The following CUBN variants were observed in gnomAD, a reference collection of about 807,000 sequenced individuals.
The protein encoded by CUBN is 460 kDa receptor.
In CUBN, 282 loss-of-function variants were observed where a neutral mutation model predicts 405.3. The ratio of observed to expected loss-of-function variants is 0.70; its 90% CI spans 0.63 to 0.77. CUBN has a LOEUF of 0.77. CUBN is among the 30% of genes least tolerant of loss of function. The probability of loss-of-function intolerance (pLI) is 0.00; values close to 1 mark genes in which losing one functional copy is unlikely to be tolerated. For missense variants in CUBN, 4,514 were observed against 4,475.2 expected (o/e 1.01, Z -0.25); for synonymous variants, 1,684 against 1,617.0 (o/e 1.04, Z -0.99).
At chr10:16,832,636 A>G (rs11254239) in intron 64 of CUBN, among the ~76,000 whole-genome samples, 15,115 of 152,158 alleles carry the variant, frequency 0.099, 813 homozygotes, top group East Asian at 0.15. Context: ...GCAGCAGGAT[A>G]CTAATTTCCA....
intron 56 of CUBN, among the ~76,000 whole-genome samples, chr10:16,886,218 A>T (rs1162344321): frequency 6.6e-6 from 1 of 152,184 alleles, no homozygotes; most frequent in Non-Finnish European, 1.5e-5. Flanking sequence ...AACTGCAGAG[A>T]TGTATGAAAA....
At chr10:16,919,890 G>C (rs1242882715) in intron 44 of CUBN, 73 bp downstream of exon 44, 1 of 1,459,574 alleles carries the variant, frequency 6.9e-7, no homozygotes, top group Non-Finnish European at 9.5e-7. Context: ...GAAAGAAATG[G>C]ACTGTTTTGA....
At chr10:16,991,797 T>G (rs1314446538) in intron 28 of CUBN, among the ~76,000 whole-genome samples, 1 of 152,208 alleles carries the variant, frequency 6.6e-6, no homozygotes, top group African/African-American at 2.4e-5. Context: ...TTGGTGGGAC[T>G]GTAAACTAGT....
At chr10:16,872,218 C>A (rs939766288) in intron 58 of CUBN, among the ~76,000 whole-genome samples, 2 of 151,844 alleles carry the variant, frequency 1.3e-5, no homozygotes, top group Admixed American at 1.3e-4. Context: ...CCAGCCTGGG[C>A]GACAGAGTGA....
At chr10:17,106,620 A>G (rs572007304) in intron 10 of CUBN, among the ~76,000 whole-genome samples, 14 of 147,212 alleles carry the variant, frequency 9.5e-5, no homozygotes, top group Admixed American at 9.4e-4. Flanking sequence ...AAAAAGCCCT[A>G]TATAGGTACT....
At chr10:16,892,724 A>T (rs182593333) in intron 54 of CUBN, among the ~76,000 whole-genome samples, 12 of 151,988 alleles carry the variant, frequency 7.9e-5, no homozygotes, top group Non-Finnish European at 1.6e-4. Flanking sequence ...AAACTCCTGG[A>T]CTCAACTGAT....
intron 17 of CUBN, among the ~76,000 whole-genome samples, chr10:17,083,430 A>T (rs1836016108): frequency 6.6e-6 from 1 of 152,090 alleles, no homozygotes; most frequent in African/African-American, 2.4e-5. Flanking sequence ...GCTTGAACTC[A>T]GGAGGCAGAG....
intron 28 of CUBN, among the ~76,000 whole-genome samples, chr10:17,018,274 G>C (rs1183454911): frequency 2.6e-5 from 4 of 152,184 alleles, no homozygotes; most frequent in Admixed American, 6.5e-5. Flanking sequence ...TCACCGCTTG[G>C]TGATTGTCCC....
Position 16,931,529 on chromosome 10 carries a change from C to T in CUBN, c.6124+1558G>A, listed in dbSNP as rs192257316. 1.9e-3 allele frequency among the ~76,000 whole-genome samples: 282 copies of T among 152,316 alleles called. 1 individual carries two copies. Among genetic ancestry groups the T allele is most frequent in the Non-Finnish European group, 3.1e-3 (211 of 68,028 alleles). Reference sequence around the variant, plus strand: ...CTGAGTTTCTTTAGCTCTTTCAAGCCGCCCTGTGCCTGAGCAAGGGCACTG... The same window carrying T: ...CTGAGTTTCTTTAGCTCTTTCAAGCTGCCCTGTGCCTGAGCAAGGGCACTG... On this transcript the variant is annotated intron_variant, in intron 40 of 66. Coordinates refer to ENST00000377833, the MANE Select transcript of CUBN (RefSeq NM_001081.4).
intron 28 of CUBN, among the ~76,000 whole-genome samples, chr10:17,014,941 A>G (rs1834287441): frequency 6.6e-6 from 1 of 152,224 alleles, no homozygotes; most frequent in Non-Finnish European, 1.5e-5. Flanking sequence ...GGTCCAGAAC[A>G]GCAAACCAAT....
rs754533280 is a variant in CUBN, at chr10:16,851,387, G to C, written c.9511C>G (p.Pro3171Ala). Residue 3171 changes from proline (P) to alanine (A), a missense_variant, in exon 60 of 67, where the codon CCT (proline) becomes GCT (alanine). This residue lies in a region of CUBN where 1,186 missense variants were observed against 1,186.9 expected (regional missense o/e 1.00). Transcript: ENST00000377833. Reference protein sequence around the residue: ...LTGSNNTFASPDSDSNGMYDK... With the variant: ...LTGSNNTFASADSDSNGMYDK... ...TACATTCCATTCGAATCAGAATCAG[G>C]AGAGGCAAAGGTATTATTCGAGCCT... 4.3e-6 allele frequency: 7 copies of C among 1,613,966 alleles called. No individual in the cohort carries two copies. Among genetic ancestry groups the C allele is most frequent in the Non-Finnish European group, 5.9e-6 (7 of 1,180,012 alleles).
chr10:17,004,690 A>C (rs201871478), intron 28 of CUBN, among the ~76,000 whole-genome samples: 1 of 52,854 alleles, frequency 1.9e-5, no homozygotes, highest in African/African-American at 7.3e-5. Flanking sequence ...TTTTTTTTTT[A>C]GCAGAATCTC....
At chr10:17,088,080 G>C (rs1277517270) in intron 15 of CUBN, 84 bp downstream of exon 15, 1 of 987,970 alleles carries the variant, frequency 1.0e-6, no homozygotes, top group Non-Finnish European at 1.6e-6. Flanking sequence ...TAATATTTTG[G>C]GGTCATCCAT....
rs80004307 is a variant in CUBN at position 17,069,079 on chromosome 10, G to A, written c.2626-309C>T. On this transcript the variant is annotated intron_variant, in intron 19 of 66. Coordinates refer to ENST00000377833, the MANE Select transcript of CUBN (RefSeq NM_001081.4). ...TTTTGTGATTAGCTTCTTTCACACTGTATAACATTTTCAAAGTTCATCCAC... is the reference window on the plus strand; with the variant it reads ...TTTTGTGATTAGCTTCTTTCACACTATATAACATTTTCAAAGTTCATCCAC... Among the ~76,000 whole-genome samples the A allele has an allele frequency of 0.02, 3,025 of 152,114 alleles. 96 individuals are homozygous for A. Among genetic ancestry groups the A allele is most frequent in the African/African-American group, 0.068 (2,826 of 41,480 alleles).
Position 17,115,348 on chromosome 10 carries a change from C to G in CUBN, c.720+123G>C, listed in dbSNP as rs1173336190. 5.8e-6 allele frequency: 7 copies of G among 1,216,728 alleles called. No homozygotes were observed. The Admixed American group carries it at 1.3e-4, about 22-fold the overall frequency. 75.4% of individuals were successfully genotyped at this position (1,216,728 alleles called of 1,614,324 possible). A position where few individuals can be genotyped will look rare whatever the true frequency, so the allele number is the denominator to read the frequency against. On this transcript the variant is annotated intron_variant, in intron 7 of 66. Coordinates refer to ENST00000377833, the MANE Select transcript of CUBN (RefSeq NM_001081.4). ...CCCCTCCTCGCCTATGTCCTACTTA[C>G]AGACAGGAAGTGACTTCACCTCTGT...
At chr10:17,043,147 C>T (rs1292759419) in intron 26 of CUBN, among the ~76,000 whole-genome samples, 1 of 152,094 alleles carries the variant, frequency 6.6e-6, no homozygotes, top group Non-Finnish European at 1.5e-5. Flanking sequence ...AAAGAAGAAA[C>T]CATGGGACCA....
At chr10:16,896,845 G>GT (rs1841198337) in intron 54 of CUBN, among the ~76,000 whole-genome samples, 1 of 151,904 alleles carries the variant, frequency 6.6e-6, no homozygotes, top group Non-Finnish European at 1.5e-5. Context: ...TAGTTTGTTT[G>GT]TTTTTTCAGT....
chr10:16,850,586 C>G (rs919352959), intron 60 of CUBN, among the ~76,000 whole-genome samples: 2 of 152,178 alleles, frequency 1.3e-5, no homozygotes, highest in Admixed American at 1.3e-4. Context: ...ATTCTCCTGC[C>G]TCAGCCTCTG....
chr10:17,023,568 C>T (rs1310093105), intron 27 of CUBN: 1 of 455,394 alleles, frequency 2.2e-6, no homozygotes, highest in South Asian at 1.6e-5. Context: ...CATGGAAAGC[C>T]GTCTCACTGA....
Sources: gnomAD v4.1 joint callset for allele counts (sites outside exome capture counted in the v4.1 genomes callset) on GRCh38, gnomAD v4.1.1 for gene constraint, gnomAD v4.1.1 regional missense constraint, MANE v1.5 for transcripts, NCBI Gene and HGNC (gene_info 2026-07-23, HGNC 2026-07-21) for gene names.